WDHD1: variants seen among roughly 807,000 people sequenced by gnomAD.
WDHD1 encodes WD repeat and HMG-box DNA-binding protein 1.
In WDHD1, 111 loss-of-function variants were observed where a neutral mutation model predicts 135.4. The ratio of observed to expected loss-of-function variants is 0.82; its 90% CI spans 0.70 to 0.96. WDHD1 has a LOEUF of 0.96. Among genes scored for constraint, WDHD1 ranks in the 40% least tolerant of loss-of-function variants. WDHD1 has a pLI of 0.00. For missense variants in WDHD1, 1,351 were observed against 1,336.3 expected, an observed-to-expected ratio of 1.01 and a Z score of -0.17; for synonymous variants, 434 against 439.0, an observed-to-expected ratio of 0.99 and a Z score of 0.14.
intron 15 of WDHD1, among the ~76,000 whole-genome samples, chr14:54,982,995 T>C (rs1304849561): frequency 6.6e-6 from 1 of 151,684 alleles, no homozygotes; most frequent in Non-Finnish European, 1.5e-5. Flanking sequence ...CAAAACCCCA[T>C]CTCTACTAAA....
chr14:55,000,782 T>C (rs909873766), intron 9 of WDHD1, 104 bp downstream of exon 9: 5 of 1,117,058 alleles, frequency 4.5e-6, no homozygotes, highest in Non-Finnish European at 6.0e-6. Context: ...AATTATACTT[T>C]CATTCTGACA....
rs917520134 is a variant in WDHD1, at chr14:54,979,569, G to A, written c.2063+1971C>T. 4.6e-5 allele frequency among the ~76,000 whole-genome samples: 7 copies of A among 152,136 alleles called. 1 individual carries two copies. Among genetic ancestry groups the A allele is most frequent in the Non-Finnish European group, 8.8e-5 (6 of 68,016 alleles). ...TTTTATCACTTTTATCAGAGTCACC[G>A]TTAACCTCCATGTAGCCAAATTAAG... On this transcript the variant is annotated intron_variant, in intron 16 of 25. Coordinates refer to ENST00000360586, the MANE Select transcript of WDHD1 (RefSeq NM_007086.4).
At chr14:54,975,061 T>G (rs2041502870) in intron 16 of WDHD1, among the ~76,000 whole-genome samples, 1 of 152,180 alleles carries the variant, frequency 6.6e-6, no homozygotes, top group African/African-American at 2.4e-5. Context: ...GCACATCTAG[T>G]CGGTACTATA....
At position 55,000,157 on chromosome 14, in the gene WDHD1, G is replaced by C. The variant is rs1595108905; in HGVS notation, c.942+346C>G. Among the ~76,000 whole-genome samples, 3 of 152,274 alleles carry C rather than the reference G, an allele frequency of 2.0e-5. 1 individual carries two copies. In the South Asian group the frequency reaches 6.2e-4, roughly 32 times the overall value. On this transcript the variant is annotated intron_variant, in intron 10 of 25. Coordinates refer to ENST00000360586, the MANE Select transcript of WDHD1 (RefSeq NM_007086.4). Reference sequence around the variant, plus strand: ...CTGTTTAAAGTTGCTCAGTAAAGCTGTTTGACTAAGCAGAGGAGGTGTATA... The same window carrying C: ...CTGTTTAAAGTTGCTCAGTAAAGCTCTTTGACTAAGCAGAGGAGGTGTATA...
At chr14:55,008,507 TGA>T in intron 5 of WDHD1, 99 bp downstream of exon 5, 3 of 1,444,472 alleles carry the variant, frequency 2.1e-6, no homozygotes, top group Non-Finnish European at 2.8e-6. Flanking sequence ...AAACAAAGGT[TGA>T]AAAGTTGAGT....
chr14:54,948,457 G>C (rs1201809561), intron 24 of WDHD1, among the ~76,000 whole-genome samples: 1 of 152,208 alleles, frequency 6.6e-6, no homozygotes, highest in Non-Finnish European at 1.5e-5. Context: ...CTCATTGCTA[G>C]CACAGCAGTC....
chr14:54,948,782 G>A (rs1000706445), intron 24 of WDHD1, among the ~76,000 whole-genome samples: 4 of 152,116 alleles, frequency 2.6e-5, no homozygotes, highest in Non-Finnish European at 4.4e-5. Flanking sequence ...CACCTCACAC[G>A]GCCGGGTACC....
intron 18 of WDHD1, among the ~76,000 whole-genome samples, chr14:54,965,363 G>A (rs1349653572): frequency 6.6e-6 from 1 of 152,148 alleles, no homozygotes; most frequent in African/African-American, 2.4e-5. Flanking sequence ...AAATATTCTA[G>A]ACACCAAACC....
chr14:55,013,650 A>G (rs2042211950), intron 2 of WDHD1, 54 bp from the exon 3 acceptor site: 1 of 1,360,488 alleles, frequency 7.4e-7, no homozygotes, highest in Non-Finnish European at 1.1e-6. Flanking sequence ...TCATGCCTAT[A>G]ATGCTAGCAC....
At chr14:55,021,857 C>T (rs577276547) in intron 2 of WDHD1, among the ~76,000 whole-genome samples, 4 of 152,332 alleles carry the variant, frequency 2.6e-5, no homozygotes, top group African/African-American at 4.8e-5. Context: ...GAATTTGTTT[C>T]GGGCTCGATG....
At chr14:54,980,238 C>T (rs1327821397) in intron 16 of WDHD1, among the ~76,000 whole-genome samples, 2 of 151,872 alleles carry the variant, frequency 1.3e-5, no homozygotes, top group Admixed American at 1.3e-4. Flanking sequence ...ATCGCTTGAG[C>T]CCAGGATGTC....
At chr14:54,966,915 G>C (rs1015321731) in intron 17 of WDHD1, among the ~76,000 whole-genome samples, 7 of 152,196 alleles carry the variant, frequency 4.6e-5, no homozygotes, top group African/African-American at 1.4e-4. Flanking sequence ...ATAACTAACT[G>C]CAAGATTTCA....
chr14:54,958,284 G>A (rs1425552712), intron 21 of WDHD1, among the ~76,000 whole-genome samples: 1 of 151,790 alleles, frequency 6.6e-6, no homozygotes, highest in African/African-American at 2.4e-5. Context: ...CTGCTACCAC[G>A]CCCGGCTAAT....
intron 16 of WDHD1, among the ~76,000 whole-genome samples, chr14:54,976,412 G>C (rs541221361): frequency 2.0e-5 from 3 of 152,012 alleles, no homozygotes; most frequent in Non-Finnish European, 4.4e-5. Context: ...GCCCAGGCTA[G>C]CCTCAAACTC....
At chr14:54,992,444 C>T (rs143007021) in intron 11 of WDHD1, among the ~76,000 whole-genome samples, 1 of 152,220 alleles carries the variant, frequency 6.6e-6, no homozygotes, top group East Asian at 1.9e-4. Flanking sequence ...GAACCGAGAT[C>T]GTGCCACTGC....
At chr14:54,998,087 C>T (rs2041915897) in intron 10 of WDHD1, among the ~76,000 whole-genome samples, 1 of 151,554 alleles carries the variant, frequency 6.6e-6, no homozygotes, top group Non-Finnish European at 1.5e-5. Context: ...GTGGTGGGTG[C>T]CTGTTATCCT....
Position 54,981,548 on chromosome 14 carries a change from C to T in WDHD1, c.2055G>A (p.Gln685=), listed in dbSNP as rs2041618835. 3 of 1,609,842 alleles carry T rather than the reference C, an allele frequency of 1.9e-6. No individual in the cohort carries two copies. Among genetic ancestry groups the T allele is most frequent in the Non-Finnish European group, 2.5e-6 (3 of 1,178,676 alleles). Residue 685 remains glutamine (Q), a synonymous_variant, in exon 16 of 26, where the codon CAG becomes CAA. Transcript: ENST00000360586. ...TTCTTTTAATAGCCCACCTTAGTTGCTGGGGATTTTCATGGATACCAACCA... is the reference window on the plus strand; with the variant it reads ...TTCTTTTAATAGCCCACCTTAGTTGTTGGGGATTTTCATGGATACCAACCA... ...YWVVGIHENP[Q]QLRCIPCKGS... is the part of the protein sequence containing the mutation.
intron 16 of WDHD1, among the ~76,000 whole-genome samples, chr14:54,972,136 G>A (rs1428858481): frequency 7.2e-5 from 11 of 152,144 alleles, no homozygotes; most frequent in Non-Finnish European, 5.9e-5. Flanking sequence ...TTAGCCAGGC[G>A]TGGTGATGGG....
intron 13 of WDHD1, among the ~76,000 whole-genome samples, chr14:54,988,050 T>C (rs561114423): frequency 1.3e-5 from 2 of 152,224 alleles, no homozygotes; most frequent in Admixed American, 6.5e-5. Flanking sequence ...GCTGAAAAAA[T>C]ATTTTCTTTT....
Sources: allele counts gnomAD v4.1 joint callset (sites outside exome capture counted in the v4.1 genomes callset), GRCh38; gene constraint gnomAD v4.1.1; transcripts MANE v1.5; gene names NCBI Gene and HGNC (gene_info 2026-07-23, HGNC 2026-07-21).